Variants in NEK11 observed in about 807,000 individuals in gnomAD.
The protein encoded by NEK11 is NIMA related kinase 11.
Under a neutral mutation model 80.7 loss-of-function variants are expected in NEK11, and 72 were observed. The ratio of observed to expected loss-of-function variants is 0.89; its 90% confidence interval spans 0.74 to 1.08. The LOEUF (loss-of-function observed/expected upper bound fraction) is 1.08, where lower values mean the gene tolerates loss of function less well. Ranked by LOEUF, NEK11 falls within the 50% of genes least tolerant of loss-of-function variation. The pLI is 0.00. For missense variants in NEK11, 764 were observed against 763.6 expected, an observed-to-expected ratio of 1.00 and a Z score of -0.01; for synonymous variants, 251 against 260.7, an observed-to-expected ratio of 0.96 and a Z score of 0.36.
intron 14 of NEK11, among the ~76,000 whole-genome samples, chr3:131,180,161 G>A (rs571386790): frequency 1.5e-3 from 232 of 152,252 alleles, no homozygotes; most frequent in African/African-American, 4.2e-3. Context: ...TCTTCAGCTT[G>A]AAAATTACTT....
intron 17 of NEK11, among the ~76,000 whole-genome samples, chr3:131,340,415 G>C (rs866130058): frequency 6.6e-6 from 1 of 152,104 alleles, no homozygotes; most frequent in Non-Finnish European, 1.5e-5. Flanking sequence ...ATTAGATAGA[G>C]ATAAATAATT....
chr3:131,308,604 A>G (rs926944439), intron 17 of NEK11, among the ~76,000 whole-genome samples: 1 of 152,132 alleles, frequency 6.6e-6, no homozygotes, highest in Non-Finnish European at 1.5e-5. Flanking sequence ...TATGGTACAC[A>G]TTTTGTTGAT....
intron 4 of NEK11, among the ~76,000 whole-genome samples, chr3:131,097,430 A>C (rs1030392905): frequency 8.6e-5 from 13 of 151,824 alleles, no homozygotes; most frequent in East Asian, 7.7e-4. Context: ...TGCCATTCTA[A>C]CTGGTGTGAG....
At chr3:131,131,565 C>T (rs1272502996) in intron 5 of NEK11, among the ~76,000 whole-genome samples, 1 of 152,058 alleles carries the variant, frequency 6.6e-6, no homozygotes, top group Non-Finnish European at 1.5e-5. Context: ...TAGTGACGCC[C>T]TCTCTTTCAT....
At chr3:131,038,746 G>A (rs553522455) in intron 3 of NEK11, among the ~76,000 whole-genome samples, 5 of 152,238 alleles carry the variant, frequency 3.3e-5, no homozygotes, top group South Asian at 2.1e-4. Context: ...TATTACAGCC[G>A]TATTAGTGTC....
chr3:131,090,279 T>C (rs747876564), intron 4 of NEK11, among the ~76,000 whole-genome samples: 9 of 152,204 alleles, frequency 5.9e-5, no homozygotes, highest in Non-Finnish European at 8.8e-5. Flanking sequence ...GAGGAGATAC[T>C]ATTAATCCAT....
At chr3:131,236,596 C>T (rs532629589) in intron 15 of NEK11, among the ~76,000 whole-genome samples, 9 of 152,256 alleles carry the variant, frequency 5.9e-5, no homozygotes, top group Middle Eastern at 3.4e-3. Flanking sequence ...TTGACAGTCA[C>T]GTTTCAGCAA....
chr3:131,102,701 C>T (rs1369684247), intron 4 of NEK11, among the ~76,000 whole-genome samples: 2 of 151,998 alleles, frequency 1.3e-5, no homozygotes, highest in African/African-American at 2.4e-5. Flanking sequence ...TGTATTTATT[C>T]GTTTTGCATG....
At chr3:131,173,176 A>T (rs1166352127) in intron 14 of NEK11, among the ~76,000 whole-genome samples, 2 of 152,158 alleles carry the variant, frequency 1.3e-5, no homozygotes, top group African/African-American at 4.8e-5. Flanking sequence ...TCATGGAGTA[A>T]TCACTCTTTT....
chr3:131,146,678 T>G (rs1420508182), intron 7 of NEK11, among the ~76,000 whole-genome samples: 1 of 152,192 alleles, frequency 6.6e-6, no homozygotes, highest in Non-Finnish European at 1.5e-5. Flanking sequence ...AGGAAACTTT[T>G]TTTTTCATAG....
intron 17 of NEK11, among the ~76,000 whole-genome samples, chr3:131,344,197 T>C (rs2097328270): frequency 6.6e-6 from 1 of 152,218 alleles, no homozygotes; most frequent in Non-Finnish European, 1.5e-5. Flanking sequence ...TAGAAATTTC[T>C]TCCACCAGAT....
intron 3 of NEK11, among the ~76,000 whole-genome samples, chr3:131,066,671 TA>T (rs1019809626): frequency 4.0e-5 from 6 of 149,626 alleles, no homozygotes; most frequent in Admixed American, 1.3e-4. Context: ...CCATATCTAC[TA>T]AAAAAAAATA....
At chr3:131,117,421 C>G (rs1327176258) in intron 5 of NEK11, among the ~76,000 whole-genome samples, 1 of 152,098 alleles carries the variant, frequency 6.6e-6, no homozygotes, top group African/African-American at 2.4e-5. Context: ...ATGCCTCGAG[C>G]TTTGTTCTTT....
At chr3:131,207,011 G>T (rs1016659572) in intron 14 of NEK11, among the ~76,000 whole-genome samples, 1 of 152,096 alleles carries the variant, frequency 6.6e-6, no homozygotes, top group Non-Finnish European at 1.5e-5. Context: ...ATTTTTTATG[G>T]CTGCATAGTA....
At chr3:131,264,606 G>A (rs192223994) in intron 16 of NEK11, among the ~76,000 whole-genome samples, 2 of 152,134 alleles carry the variant, frequency 1.3e-5, no homozygotes, top group Non-Finnish European at 2.9e-5. Context: ...TGCTGTTTTG[G>A]TTACTGTAGC....
At chr3:131,236,424 T>G (rs1199287361) in intron 15 of NEK11, among the ~76,000 whole-genome samples, 3 of 152,324 alleles carry the variant, frequency 2.0e-5, no homozygotes, top group African/African-American at 7.2e-5. Flanking sequence ...CTAAATGTCT[T>G]AAGAGTTCTG....
At chr3:131,063,264 A>C (rs998387784) in intron 3 of NEK11, among the ~76,000 whole-genome samples, 1 of 152,154 alleles carries the variant, frequency 6.6e-6, no homozygotes, top group African/African-American at 2.4e-5. Context: ...GACTTAAGCA[A>C]TTCTTCTGCC....
intron 5 of NEK11, among the ~76,000 whole-genome samples, chr3:131,121,939 G>A (rs1029973768): frequency 6.6e-6 from 1 of 152,218 alleles, no homozygotes; most frequent in African/African-American, 2.4e-5. Context: ...CTTCCCAGGT[G>A]AGGTGATGCC....
At chr3:131,187,604 ATTG>A (rs2093647938) in intron 14 of NEK11, among the ~76,000 whole-genome samples, 1 of 152,142 alleles carries the variant, frequency 6.6e-6, no homozygotes, top group Non-Finnish European at 1.5e-5. Context: ...TGAAGGAGAT[ATTG>A]TTGTACTGGA....
Sources: allele counts gnomAD v4.1 joint callset (sites outside exome capture counted in the v4.1 genomes callset), GRCh38; gene constraint gnomAD v4.1.1; transcripts MANE v1.5; gene names NCBI Gene and HGNC (gene_info 2026-07-23, HGNC 2026-07-21).